The following LIMA1 variants were observed in gnomAD, a reference collection of about 807,000 sequenced individuals.
LIMA1 encodes LIM domain and actin binding 1.
A neutral mutation model predicts 62.6 loss-of-function variants in LIMA1; 52 were observed. The observed-to-expected ratio is 0.83, with a 90% CI of 0.67 to 1.05. LIMA1 has a LOEUF of 1.05. LIMA1 is among the 50% of genes least tolerant of loss of function. The pLI, the probability that LIMA1 is intolerant of heterozygous loss-of-function variation, is 0.00. For synonymous variants in LIMA1, 302 were observed against 317.8 expected (o/e 0.95, Z 0.53); for missense variants, 780 against 902.2 (o/e 0.86, Z 1.74).
At chr12:50,255,056 A>G (rs542593444) in intron 1 of LIMA1, among the ~76,000 whole-genome samples, 1 of 147,664 alleles carries the variant, frequency 6.8e-6, no homozygotes, top group African/African-American at 2.5e-5. Context: ...ACAAAAAAAA[A>G]CCACCAAACC....
chr12:50,275,873 G>C (rs1211251731), intron 1 of LIMA1, among the ~76,000 whole-genome samples: 1 of 152,122 alleles, frequency 6.6e-6, no homozygotes, highest in Non-Finnish European at 1.5e-5. Context: ...CAGAAAGCTA[G>C]ACTGAATTTA....
intron 3 of LIMA1, among the ~76,000 whole-genome samples, chr12:50,226,152 T>C (rs1225691134): frequency 6.6e-6 from 1 of 152,028 alleles, no homozygotes; most frequent in Admixed American, 6.6e-5. Context: ...GCTCAAGTGA[T>C]CCTGCCACCT....
chr12:50,215,603 G>T (rs1941330421), intron 4 of LIMA1, among the ~76,000 whole-genome samples: 1 of 151,998 alleles, frequency 6.6e-6, no homozygotes, highest in African/African-American at 2.4e-5. Flanking sequence ...CCGAGTAGCT[G>T]GGACTACAGG....
chr12:50,271,922 A>T (rs1045603036), intron 1 of LIMA1, among the ~76,000 whole-genome samples: 8 of 152,206 alleles, frequency 5.3e-5, no homozygotes, highest in Non-Finnish European at 1.2e-4. Flanking sequence ...TGCCAATTAC[A>T]TGCTTAATTA....
At chr12:50,266,947 T>C (rs1273928980) in intron 1 of LIMA1, among the ~76,000 whole-genome samples, 1 of 152,124 alleles carries the variant, frequency 6.6e-6, no homozygotes, top group East Asian at 1.9e-4. Context: ...CAGGCTGGAG[T>C]GCAGTGGCCT....
At chr12:50,217,676 G>T in intron 4 of LIMA1, 2 of 221,438 alleles carry the variant, frequency 9.0e-6, no homozygotes, top group South Asian at 6.7e-5. Context: ...GATTTCTGGC[G>T]GTCGTGGGGC....
rs1040034332 is a variant in LIMA1 at position 50,181,931 on chromosome 12, C to T, written c.1247G>A (p.Arg416His). The part of the protein sequence containing the change: ...NQQVFHISCF[R>H]CSYCNNKLSL... The stretch of plus-strand genomic sequence containing the variant: ...GAGTTTGTTGTTGCAATAGGAGCAA[C>T]GGAAGCAGCTGATGTGAAACACCTG... The change falls in exon 10 of 11, where the codon CGT becomes CAT. Residue 416 changes from arginine (R) to histidine (H), a missense_variant. By Grantham distance (29) the Arg-to-His change is conservative (BLOSUM62 0). Transcript: ENST00000341247. The T allele has an allele frequency of 1.4e-5, 23 of 1,613,890 alleles. No individual in the cohort carries two copies. The highest frequency in any genetic ancestry group is 1.9e-5 in the Non-Finnish European group (23 of 1,180,016).
chr12:50,182,048 C>T lies in LIMA1; in HGVS notation c.1141-11G>A. 6.2e-7 allele frequency: 1 copy of T among 1,611,780 alleles called. No individual in the cohort carries two copies. The highest frequency in any genetic ancestry group is 8.5e-7 in the Non-Finnish European group (1 of 1,179,782). On this transcript the variant is annotated splice_polypyrimidine_tract_variant and intron_variant, in intron 9 of 10. Coordinates refer to ENST00000341247, the MANE Select transcript of LIMA1 (RefSeq NM_016357.5). The stretch of plus-strand genomic sequence containing the variant: ...AGGTGCCTGAAACTTCTAGGAAAAA[C>T]AAAAAGACAACTTTAGCATGGGCAG...
intron 8 of LIMA1, among the ~76,000 whole-genome samples, chr12:50,193,582 CAT>C (rs1491498113): frequency 2.0e-5 from 2 of 98,292 alleles, no homozygotes; most frequent in East Asian, 2.9e-4. Flanking sequence ...TATATATATA[CAT>C]GTATATATGA....
At chr12:50,213,319 A>G (rs933597264) in intron 4 of LIMA1, among the ~76,000 whole-genome samples, 17 of 152,258 alleles carry the variant, frequency 1.1e-4, no homozygotes, top group African/African-American at 3.9e-4. Context: ...GATTTCAAAG[A>G]TATGTAGGGC....
chr12:50,216,213 ATTTCT>A (rs925505768), intron 4 of LIMA1, among the ~76,000 whole-genome samples: 10 of 151,820 alleles, frequency 6.6e-5, no homozygotes, highest in African/African-American at 2.2e-4. Context: ...TCACCGTGGC[ATTTCT>A]TTTCTTTTCT....
At chr12:50,193,996 TA>T (rs111826055) in intron 8 of LIMA1, among the ~76,000 whole-genome samples, 2,626 of 119,786 alleles carry the variant, frequency 0.022, 59 homozygotes, top group African/African-American at 0.088. Flanking sequence ...TATATATATA[TA>T]TTTTTTTTGA....
chr12:50,257,560 G>A (rs1053737646), intron 1 of LIMA1, among the ~76,000 whole-genome samples: 7 of 152,198 alleles, frequency 4.6e-5, no homozygotes, highest in Non-Finnish European at 8.8e-5. Context: ...GATCAATTAA[G>A]CAGCTGACCA....
At chr12:50,206,178 T>A (rs1329876435) in intron 4 of LIMA1, 110 bp from the exon 5 acceptor site, 2 of 777,802 alleles carry the variant, frequency 2.6e-6, no homozygotes, top group Admixed American at 5.6e-5. Context: ...GATTTTATAT[T>A]TTATATTCTA....
At chr12:50,227,051 A>C (rs1387460329) in intron 3 of LIMA1, among the ~76,000 whole-genome samples, 1 of 151,300 alleles carries the variant, frequency 6.6e-6, no homozygotes, top group East Asian at 1.9e-4. Context: ...GATTTCACCC[A>C]CCATATAGAT....
rs1462617989 is a variant in LIMA1, at chr12:50,261,052, T to A, written c.-23-12278A>T. 4.4e-4 allele frequency among the ~76,000 whole-genome samples: 20 copies of A among 45,566 alleles called. 1 individual carries two copies. Among genetic ancestry groups the A allele is most frequent in the African/African-American group, 1.3e-3 (16 of 11,962 alleles). 29.9% of individuals were successfully genotyped at this position (45,566 alleles called of 152,430 possible). A position where few individuals can be genotyped will look rare whatever the true frequency, so the allele number is the denominator to read the frequency against. ...TCTGCCATCTAGTATATTTTTTTTTTTTTTTTTTTTTTTTTTTTGAGATGG... is the reference window on the plus strand; with the variant it reads ...TCTGCCATCTAGTATATTTTTTTTTATTTTTTTTTTTTTTTTTTGAGATGG... On this transcript the variant is annotated intron_variant, in intron 1 of 10. Coordinates refer to ENST00000341247, the MANE Select transcript of LIMA1 (RefSeq NM_016357.5).
chr12:50,260,141 G>A (rs1002760047), intron 1 of LIMA1, among the ~76,000 whole-genome samples: 1 of 150,020 alleles, frequency 6.7e-6, no homozygotes, highest in African/African-American at 2.5e-5. Flanking sequence ...TCCACTCCTA[G>A]AGTTTCTTTT....
At chr12:50,193,995 A>T (rs143143765) in intron 8 of LIMA1, among the ~76,000 whole-genome samples, 83,968 of 135,486 alleles carry the variant, frequency 0.62, 25,352 homozygotes, top group East Asian at 0.89. Context: ...ATATATATAT[A>T]TATTTTTTTT....
chr12:50,195,822 A>C lies in LIMA1; in HGVS notation c.1030+8T>G. 1 of 1,594,038 alleles carries C rather than the reference A, an allele frequency of 6.3e-7. No individual in the cohort carries two copies. Among genetic ancestry groups the C allele is most frequent in the Non-Finnish European group, 8.5e-7 (1 of 1,172,972 alleles). ...CCTCATCCTCCAGATCTAAGAAAGA[A>C]TGCTTACGGGAGTCATCTTCGGCAG... On this transcript the variant is annotated splice_region_variant and intron_variant, in intron 8 of 10. Coordinates refer to ENST00000341247, the MANE Select transcript of LIMA1 (RefSeq NM_016357.5).
Sources: allele counts gnomAD v4.1 joint callset (sites outside exome capture counted in the v4.1 genomes callset), GRCh38; gene constraint gnomAD v4.1.1; transcripts MANE v1.5; gene names NCBI Gene and HGNC (gene_info 2026-07-23, HGNC 2026-07-21).